The following IFT122 variants were observed in gnomAD, a reference collection of about 807,000 sequenced individuals.
IFT122 encodes intraflagellar transport 122, also known as intraflagellar transport protein 122 homolog.
IFT122 carries 118 observed loss-of-function variants against 161.6 expected under a neutral mutation model. The observed-to-expected ratio is 0.73, with a 90% CI of 0.63 to 0.85. The LOEUF (loss-of-function observed/expected upper bound fraction) is 0.85. Ranked by LOEUF, IFT122 falls within the 40% of genes least tolerant of loss-of-function variation. The probability of loss-of-function intolerance (pLI) is 0.00; values close to 1 mark genes in which losing one functional copy is unlikely to be tolerated. For synonymous variants in IFT122, 550 were observed against 602.4 expected (o/e 0.91, Z 1.27); for missense variants, 1,381 against 1,579.6 (o/e 0.87, Z 2.13).
intron 15 of IFT122, among the ~76,000 whole-genome samples, chr3:129,486,714 G>T (rs377535652): frequency 2.0e-5 from 3 of 152,198 alleles, no homozygotes; most frequent in Admixed American, 1.3e-4. Context: ...ATACAGTGAA[G>T]GTAATGATCA....
In IFT122 at chr3:129,441,292, C is replaced by T. The variant is rs76040966; in HGVS notation, c.41+921C>T. Among the ~76,000 whole-genome samples, 627 of 152,260 alleles carry T rather than the reference C, an allele frequency of 4.1e-3. 5 individuals carry two copies. The highest frequency in any genetic ancestry group is 0.015 in the African/African-American group (610 of 41,542). ...AGATCTTTCTCTGTGTAAAGCATGCCGTCTCTCCTCATCTCACACGGAAAT... is the reference window on the plus strand; with the variant it reads ...AGATCTTTCTCTGTGTAAAGCATGCTGTCTCTCCTCATCTCACACGGAAAT... On this transcript the variant is annotated intron_variant, in intron 1 of 29. Transcript: ENST00000348417.
intron 2 of IFT122, 32 bp downstream of exon 2, chr3:129,449,969 G>C: frequency 6.9e-7 from 1 of 1,451,080 alleles, no homozygotes; most frequent in East Asian, 2.3e-5. Context: ...CTCTTAAAGT[G>C]CTTCCCTAAC....
chr3:129,499,838 C>T, intron 18 of IFT122, 64 bp from the exon 19 acceptor site: 1 of 1,598,224 alleles, frequency 6.3e-7, no homozygotes, highest in Non-Finnish European at 8.6e-7. Flanking sequence ...GCTAGAAAAG[C>T]CTGATGTAAC....
At chr3:129,503,855 G>T in intron 20 of IFT122, 1 of 244,070 alleles carries the variant, frequency 4.1e-6, no homozygotes, top group Non-Finnish European at 8.1e-6. Flanking sequence ...CTCCTGGCCT[G>T]ACAGGTGGTT....
chr3:129,456,953 T>G (rs1683126860), intron 3 of IFT122, among the ~76,000 whole-genome samples: 1 of 152,160 alleles, frequency 6.6e-6, no homozygotes, highest in South Asian at 2.1e-4. Flanking sequence ...CTTAGTTGAC[T>G]CCCATAAAAA....
intron 1 of IFT122, among the ~76,000 whole-genome samples, chr3:129,445,546 A>G (rs2073892750): frequency 6.6e-6 from 1 of 152,240 alleles, no homozygotes. Context: ...AAATGTGTTC[A>G]ATAAATGTTA....
intron 9 of IFT122, among the ~76,000 whole-genome samples, chr3:129,471,256 C>T (rs1037326513): frequency 2.6e-5 from 4 of 152,186 alleles, no homozygotes; most frequent in African/African-American, 7.2e-5. Context: ...CCCTGCCTTA[C>T]CATTGGTCAT....
rs1274458608 is a variant in IFT122 at position 129,519,110 on chromosome 3, C to T, written c.3395C>T (p.Ser1132Phe). 3.7e-6 allele frequency: 6 copies of T among 1,613,986 alleles called. No individual in the cohort carries two copies. Among genetic ancestry groups the T allele is most frequent in the Non-Finnish European group, 5.1e-6 (6 of 1,179,858 alleles). ...DRQLEIANNS[S>F]QILRLVETKD... ...ATCCTTGACCAGATCCCTCCAGGCT[C>T]CCAGATTCTGCGGCTAGTGGAGACC... Residue 1132 changes from serine (S) to phenylalanine (F), a missense_variant, in exon 28 of 30, where the codon TCC (serine) becomes TTC (phenylalanine). By Grantham distance (155) the Ser-to-Phe change is radical. Coordinates refer to ENST00000348417, the MANE Select transcript of IFT122 (RefSeq NM_052989.3).
chr3:129,517,592 A>G lies in IFT122; in HGVS notation c.3389A>G (p.Asn1130Ser), dbSNP rs2084137899. 6.2e-7 allele frequency: 1 copy of G among 1,613,156 alleles called. No homozygotes were observed. The highest frequency in any genetic ancestry group is 8.5e-7 in the Non-Finnish European group (1 of 1,179,394). The change falls in exon 27 of 30, where the codon AAC (asparagine) becomes AGC (serine). Residue 1130 changes from asparagine (N) to serine (S), a missense_variant and splice_region_variant. This residue lies in a region of IFT122 where 177 missense variants were observed against 199.2 expected (regional missense o/e 0.89). Transcript: ENST00000348417. ...RDDRQLEIANNSSQILRLVET... is the reference protein window; with the variant it reads ...RDDRQLEIANSSSQILRLVET... Reference sequence around the variant, plus strand: ...GACAGACAGCTAGAGATTGCAAACAACAGTATCCATGCCCTTGGCCAGAGC... The same window carrying G: ...GACAGACAGCTAGAGATTGCAAACAGCAGTATCCATGCCCTTGGCCAGAGC...
At chr3:129,475,301 G>A (rs1054846570) in intron 9 of IFT122, among the ~76,000 whole-genome samples, 3 of 152,176 alleles carry the variant, frequency 2.0e-5, no homozygotes, top group South Asian at 4.1e-4. Flanking sequence ...ATAAAGTGGT[G>A]CATTCACTTG....
intron 3 of IFT122, 39 bp downstream of exon 3, chr3:129,452,037 C>G: frequency 7.3e-7 from 1 of 1,367,268 alleles, no homozygotes; most frequent in Non-Finnish European, 1.0e-6. Context: ...CTATAATAGC[C>G]TCATCATTGT....
At chr3:129,517,928 C>T (rs144663082) in intron 27 of IFT122, among the ~76,000 whole-genome samples, 174 of 152,308 alleles carry the variant, frequency 1.1e-3, no homozygotes, top group African/African-American at 3.9e-3. Context: ...GTCATGATGT[C>T]GGTGTTGGCC....
At chr3:129,440,403 A>G in intron 1 of IFT122, 32 bp downstream of exon 1, 1 of 1,549,128 alleles carries the variant, frequency 6.5e-7, no homozygotes, top group Non-Finnish European at 8.7e-7. Flanking sequence ...GAAGAGCAGG[A>G]GGTCGAGTCC....
intron 18 of IFT122, 110 bp from the exon 19 acceptor site, chr3:129,499,792 G>A: frequency 1.5e-6 from 2 of 1,330,806 alleles, no homozygotes; most frequent in Non-Finnish European, 2.1e-6. Flanking sequence ...CTACCTCCTG[G>A]TTGCCTGCTT....
Position 129,476,778 on chromosome 3 carries a change from A to C in IFT122, c.1124A>C (p.Gln375Pro). Residue 375 changes from glutamine to proline, a missense_variant, in exon 11 of 30, where the codon CAG (glutamine) becomes CCG (proline). By Grantham distance (76) the Gln-to-Pro change is moderately conservative. Coordinates refer to ENST00000348417, the MANE Select transcript of IFT122 (RefSeq NM_052989.3). ...GATAGCATGACTGACGTCATTGTGC[A>C]GCACCTGATCACTGAGCAGAAAGGT... The part of the protein sequence containing the change: ...YRDSMTDVIV[Q>P]HLITEQKVRI... 6.2e-7 allele frequency: 1 copy of C among 1,614,236 alleles called. No individual in the cohort carries two copies. Among genetic ancestry groups the C allele is most frequent in the Non-Finnish European group, 8.5e-7 (1 of 1,180,046 alleles).
Position 129,464,733 on chromosome 3 carries a change from C to CG in IFT122, c.521dup (p.Ser175LeufsTer26), listed in dbSNP as rs751753419. 3.7e-6 allele frequency: 6 copies of CG among 1,613,868 alleles called. No individual in the cohort carries two copies. The Admixed American group carries it at 5.0e-5, about 13-fold the overall frequency. ...GAGGAGAAAGTAAAGATCGAGCGGCCGGGGGGCTCCCTCTCGCCAATATGG... is the reference window on the plus strand; with the variant it reads ...GAGGAGAAAGTAAAGATCGAGCGGCCGGGGGGGCTCCCTCTCGCCAATATGG... On this transcript the variant is annotated frameshift_variant, in exon 7 of 30. Coordinates refer to ENST00000348417, the MANE Select transcript of IFT122 (RefSeq NM_052989.3). LOFTEE classifies it high-confidence loss of function.
At chr3:129,508,334 T>A (rs2082402168) in intron 23 of IFT122, among the ~76,000 whole-genome samples, 2 of 152,214 alleles carry the variant, frequency 1.3e-5, no homozygotes, top group Admixed American at 1.3e-4. Flanking sequence ...CAACAGCCTC[T>A]TCATCCACTG....
intron 28 of IFT122, 50 bp downstream of exon 28, chr3:129,519,236 C>T: frequency 1.3e-6 from 2 of 1,493,768 alleles, no homozygotes; most frequent in South Asian, 1.1e-5. Flanking sequence ...TCCATCCCTT[C>T]TCCTGTGCAC....
chr3:129,475,952 T>C (rs67805751), intron 9 of IFT122, among the ~76,000 whole-genome samples: 20,206 of 152,228 alleles, frequency 0.13, 1,717 homozygotes, highest in South Asian at 0.24. Context: ...AGGGAACCCA[T>C]TGAACTATAG....
Sources: gnomAD v4.1 joint callset for allele counts (sites outside exome capture counted in the v4.1 genomes callset) on GRCh38, gnomAD v4.1.1 for gene constraint, gnomAD v4.1.1 regional missense constraint, MANE v1.5 for transcripts, NCBI Gene and HGNC (gene_info 2026-07-23, HGNC 2026-07-21) for gene names.